The following SGMS1 variants were observed in gnomAD, a reference collection of about 807,000 sequenced individuals.
The protein encoded by SGMS1 is sphingomyelin synthase 1.
In SGMS1, 13 loss-of-function variants were observed where a neutral mutation model predicts 46.2. The observed-to-expected ratio is 0.28, with a 90% CI of 0.18 to 0.45. SGMS1 has a LOEUF of 0.45. Ranked by LOEUF, SGMS1 falls within the 20% of genes least tolerant of loss-of-function variation. SGMS1 has a pLI of 1.00. For synonymous variants in SGMS1, 203 were observed against 187.8 expected, an observed-to-expected ratio of 1.08 and a Z score of -0.66; for missense variants, 324 against 519.9, an observed-to-expected ratio of 0.62 and a Z score of 3.66.
chr10:50,375,005 A>T (rs1848502344), intron 6 of SGMS1, among the ~76,000 whole-genome samples: 1 of 152,098 alleles, frequency 6.6e-6, no homozygotes, highest in Admixed American at 6.6e-5. Flanking sequence ...GAGGATGGGG[A>T]TAACAGAATT....
intron 3 of SGMS1, among the ~76,000 whole-genome samples, chr10:50,479,669 A>T (rs1837458792): frequency 1.3e-5 from 2 of 152,146 alleles, no homozygotes; most frequent in Admixed American, 1.3e-4. Context: ...ATTACAAATA[A>T]TTTGTAATTT....
intron 3 of SGMS1, among the ~76,000 whole-genome samples, chr10:50,472,011 T>A (rs944992582): frequency 6.6e-6 from 1 of 152,234 alleles, no homozygotes; most frequent in African/African-American, 2.4e-5. Context: ...ACCAATTAAA[T>A]CAAATCATTC....
intron 6 of SGMS1, among the ~76,000 whole-genome samples, chr10:50,351,884 C>T (rs1301533783): frequency 3.9e-5 from 6 of 152,130 alleles, no homozygotes; most frequent in African/African-American, 7.2e-5. Context: ...CTACTAATTA[C>T]TCTAGGAAGT....
chr10:50,625,039 G>T, upstream of SGMS1: 8 of 1,002,322 alleles, frequency 8.0e-6, no homozygotes, highest in Non-Finnish European at 9.6e-6. Context: ...CTCCCATCGG[G>T]CTTTGGGCGC....
At chr10:50,594,138 A>C (rs1394800667) in intron 1 of SGMS1, among the ~76,000 whole-genome samples, 1 of 152,230 alleles carries the variant, frequency 6.6e-6, no homozygotes, top group Non-Finnish European at 1.5e-5. Context: ...AACCAACAAA[A>C]GGGAAAGCTT....
chr10:50,349,967 A>G (rs1419365281), intron 6 of SGMS1, among the ~76,000 whole-genome samples: 2 of 152,246 alleles, frequency 1.3e-5, no homozygotes, highest in African/African-American at 4.8e-5. Context: ...GGAACTGGGT[A>G]ACAAGCAGAG....
rs1837832215 is a variant in SGMS1 at position 50,518,811 on chromosome 10, A to AG, written c.-498+1019dup. ...AGAAACAAGTTTCATTCACTATACA[A>AG]GAAGAGACTGAAATTTTTGTCTAAA... is the stretch of plus-strand genomic sequence containing the variant. On this transcript the variant is annotated intron_variant, in intron 3 of 10. Transcript: ENST00000361781. Among the ~76,000 whole-genome samples the AG allele has an allele frequency of 3.3e-5, 5 of 152,344 alleles. No individual in the cohort carries two copies. The South Asian group carries it at 1.0e-3, about 32-fold the overall frequency.
intron 2 of SGMS1, among the ~76,000 whole-genome samples, chr10:50,527,563 C>G (rs533361615): frequency 3.3e-5 from 5 of 152,098 alleles, no homozygotes; most frequent in African/African-American, 1.2e-4. Context: ...CCACTTGATA[C>G]GCTGCCTCTC....
chr10:50,342,795 A>G (rs1847841872), intron 7 of SGMS1: 1 of 152,254 alleles, frequency 6.6e-6, no homozygotes, highest in Non-Finnish European at 1.5e-5. Flanking sequence ...GAGGGGGTCC[A>G]TGTTGAGTTT....
chr10:50,595,756 C>T (rs1262065343), intron 1 of SGMS1, among the ~76,000 whole-genome samples: 1 of 152,134 alleles, frequency 6.6e-6, no homozygotes. Context: ...ATGAAGGAAA[C>T]AGATGCCATA....
intron 6 of SGMS1, among the ~76,000 whole-genome samples, chr10:50,348,659 A>G (rs546710426): frequency 2.0e-4 from 31 of 152,352 alleles, no homozygotes; most frequent in African/African-American, 7.2e-4. Flanking sequence ...ACTCAAGGAA[A>G]TAAGAGATGA....
At chr10:50,351,646 T>C (rs1848014953) in intron 6 of SGMS1, among the ~76,000 whole-genome samples, 1 of 152,206 alleles carries the variant, frequency 6.6e-6, no homozygotes, top group African/African-American at 2.4e-5. Context: ...GTTTCCATTT[T>C]TGCTTGCTCC....
intron 6 of SGMS1, among the ~76,000 whole-genome samples, chr10:50,377,698 C>T (rs1240819994): frequency 6.6e-6 from 1 of 152,154 alleles, no homozygotes; most frequent in Non-Finnish European, 1.5e-5. Context: ...GGGCTTTAAA[C>T]AGAAATGCAT....
At chr10:50,393,321 A>C (rs1237252043) in intron 6 of SGMS1, among the ~76,000 whole-genome samples, 2 of 152,176 alleles carry the variant, frequency 1.3e-5, no homozygotes, top group Non-Finnish European at 2.9e-5. Context: ...TCTCAGACTA[A>C]AGAAACCAGG....
intron 2 of SGMS1, among the ~76,000 whole-genome samples, chr10:50,570,857 G>A (rs1838331175): frequency 6.6e-6 from 1 of 152,174 alleles, no homozygotes; most frequent in Admixed American, 6.5e-5. Flanking sequence ...GGGATCACTT[G>A]AGCTCAGGCA....
chr10:50,518,213 G>A (rs1371494737), intron 3 of SGMS1, among the ~76,000 whole-genome samples: 2 of 152,146 alleles, frequency 1.3e-5, no homozygotes, highest in East Asian at 3.8e-4. Flanking sequence ...TATTATTCCA[G>A]AAGGGGATTA....
intron 2 of SGMS1, among the ~76,000 whole-genome samples, chr10:50,587,631 A>ATGTGTGTG (rs1415958432): frequency 0.041 from 4,910 of 118,386 alleles, 167 homozygotes; most frequent in Admixed American, 0.051. Context: ...CTCAAAATAT[A>ATGTGTGTG]TATGTGTGTG....
At chr10:50,405,269 A>G (rs550285089) in intron 6 of SGMS1, among the ~76,000 whole-genome samples, 1 of 152,336 alleles carries the variant, frequency 6.6e-6, no homozygotes, top group Non-Finnish European at 1.5e-5. Flanking sequence ...TTTATAATAA[A>G]CCTCAACATC....
At chr10:50,355,100 C>G (rs1848117831) in intron 6 of SGMS1, among the ~76,000 whole-genome samples, 1 of 152,146 alleles carries the variant, frequency 6.6e-6, no homozygotes, top group African/African-American at 2.4e-5. Context: ...TGGGTATATA[C>G]CCAAAGGATT....
Sources: allele counts gnomAD v4.1 joint callset (sites outside exome capture counted in the v4.1 genomes callset), GRCh38; gene constraint gnomAD v4.1.1; transcripts MANE v1.5; gene names NCBI Gene and HGNC (gene_info 2026-07-23, HGNC 2026-07-21).